ARFGEF1: variants seen among roughly 807,000 people sequenced by gnomAD.
ARFGEF1 encodes ARF guanine nucleotide exchange factor 1, also known as brefeldin A-inhibited guanine nucleotide-exchange protein 1.
ARFGEF1 carries 42 observed loss-of-function variants against 231.0 expected under a neutral mutation model. The observed-to-expected ratio is 0.18, with a 90% CI of 0.14 to 0.24. ARFGEF1 has a LOEUF of 0.24. Ranked by LOEUF, ARFGEF1 falls within the 10% of genes least tolerant of loss-of-function variation. ARFGEF1 has a pLI of 1.00. For synonymous variants in ARFGEF1, 710 were observed against 732.3 expected (o/e 0.97, Z 0.49); for missense variants, 1,345 against 2,192.0 (o/e 0.61, Z 7.72).
Position 67,197,657 on chromosome 8 carries a change from GTTT to G in ARFGEF1, c.*1274_*1276del. On this transcript the variant is annotated 3_prime_UTR_variant, in exon 39 of 39. Transcript: ENST00000262215. ...TGAAACATGGGGGTGGGTTATACAG[GTTT>G]TGATTGCACTGATGAAATAATTCAA... The G allele has an allele frequency of 2.0e-6, 2 of 985,770 alleles. No homozygotes were observed. Among genetic ancestry groups the G allele is most frequent in the Non-Finnish European group, 2.4e-6 (2 of 829,914 alleles). The allele number at this position is 985,770 out of a possible 1,614,324, so 61.1% of individuals were successfully genotyped here. A position where few individuals can be genotyped will look rare whatever the true frequency, so the allele number is the denominator to read the frequency against.
intron 28 of ARFGEF1, 45 bp from the exon 29 acceptor site, chr8:67,225,078 C>T: frequency 6.6e-7 from 1 of 1,516,146 alleles, no homozygotes; most frequent in Non-Finnish European, 8.9e-7. Flanking sequence ...ACATAACACC[C>T]ATACATTCAG....
At chr8:67,330,960 G>A (rs1808072514) in intron 1 of ARFGEF1, among the ~76,000 whole-genome samples, 1 of 151,944 alleles carries the variant, frequency 6.6e-6, no homozygotes, top group African/African-American at 2.4e-5. Flanking sequence ...AGAAGAGAAG[G>A]CAAGAAAATC....
chr8:67,287,580 T>A (rs1805813538), intron 7 of ARFGEF1, among the ~76,000 whole-genome samples: 1 of 152,242 alleles, frequency 6.6e-6, no homozygotes, highest in East Asian at 1.9e-4. Context: ...TTTCCTTACC[T>A]ACTTAATCAG....
At chr8:67,324,336 T>C (rs1807731846) in intron 1 of ARFGEF1, among the ~76,000 whole-genome samples, 1 of 152,180 alleles carries the variant, frequency 6.6e-6, no homozygotes, top group Non-Finnish European at 1.5e-5. Flanking sequence ...AATGATCTCA[T>C]CCTTGCTTTC....
chr8:67,337,455 C>T (rs1298982913), intron 1 of ARFGEF1, among the ~76,000 whole-genome samples: 2 of 152,118 alleles, frequency 1.3e-5, no homozygotes, highest in Admixed American at 6.5e-5. Context: ...ACAATTATCA[C>T]CCTTTCCACC....
At chr8:67,184,436 A>G (rs1409536540) in intron 5 of ARFGEF1, among the ~76,000 whole-genome samples, 2 of 152,164 alleles carry the variant, frequency 1.3e-5, no homozygotes, top group African/African-American at 4.8e-5. Flanking sequence ...AATTACTAAT[A>G]CCAGAAACAG....
At chr8:67,193,382 G>T, downstream of ARFGEF1, 1 of 1,259,178 alleles carries the variant, frequency 7.9e-7, no homozygotes, top group African/African-American at 1.5e-5. Flanking sequence ...CAGGTGATAG[G>T]CACCATGCCT....
In ARFGEF1 at chr8:67,343,538, C is replaced by T. The variant is rs1479030968; in HGVS notation, c.-251G>A. Reference sequence around the variant, plus strand: ...GAGGGCCGCGCCCGTCGGGCCTCCGCTTCTCCCGGCCCGGGGGTCGCGTCC... The same window carrying T: ...GAGGGCCGCGCCCGTCGGGCCTCCGTTTCTCCCGGCCCGGGGGTCGCGTCC... On this transcript the variant is annotated 5_prime_UTR_variant, in exon 1 of 39. Coordinates refer to ENST00000262215, the MANE Select transcript of ARFGEF1 (RefSeq NM_006421.5). 2.6e-6 allele frequency: 3 copies of T among 1,161,184 alleles called. No homozygotes were observed. Among genetic ancestry groups the T allele is most frequent in the Non-Finnish European group, 3.2e-6 (3 of 941,652 alleles). The allele number at this position is 1,161,184 out of a possible 1,614,324, so 71.9% of individuals were successfully genotyped here. A position where few individuals can be genotyped will look rare whatever the true frequency, so the allele number is the denominator to read the frequency against.
intron 18 of ARFGEF1, among the ~76,000 whole-genome samples, chr8:67,252,493 G>C (rs1207515456): frequency 6.6e-6 from 1 of 152,048 alleles, no homozygotes; most frequent in Non-Finnish European, 1.5e-5. Context: ...AGAGGAATAT[G>C]AGGATGATAC....
intron 1 of ARFGEF1, among the ~76,000 whole-genome samples, chr8:67,308,821 G>T (rs1806864247): frequency 6.6e-6 from 1 of 151,478 alleles, no homozygotes; most frequent in Non-Finnish European, 1.5e-5. Flanking sequence ...ATATTTATGG[G>T]GTACAATGAG....
intron 7 of ARFGEF1, among the ~76,000 whole-genome samples, chr8:67,281,372 C>A (rs1805529514): frequency 1.3e-5 from 2 of 151,790 alleles, no homozygotes; most frequent in Admixed American, 1.3e-4. Context: ...TTTAAAAAAA[C>A]AAAAGTAAAA....
chr8:67,330,296 A>C (rs1187968954), intron 1 of ARFGEF1, among the ~76,000 whole-genome samples: 2 of 152,108 alleles, frequency 1.3e-5, no homozygotes, highest in Non-Finnish European at 2.9e-5. Context: ...AGTTTAAGAG[A>C]GTATATGTTG....
Position 67,203,922 on chromosome 8 carries a change from C to A in ARFGEF1, c.4960-671G>T, listed in dbSNP as rs113891538. On this transcript the variant is annotated intron_variant, in intron 35 of 38. Coordinates refer to ENST00000262215, the MANE Select transcript of ARFGEF1 (RefSeq NM_006421.5). ...ATGGGAACTGTCTGGGCTTCTACCCCAGGTGATTCCCACTCTGTATGAGGT... is the reference window on the plus strand; with the variant it reads ...ATGGGAACTGTCTGGGCTTCTACCCAAGGTGATTCCCACTCTGTATGAGGT... 2.0e-3 allele frequency among the ~76,000 whole-genome samples: 299 copies of A among 152,340 alleles called. 4 individuals carry two copies. Among genetic ancestry groups the A allele is most frequent in the African/African-American group, 6.8e-3 (284 of 41,574 alleles).
At chr8:67,187,998 C>T (rs1440082102) in intron 5 of ARFGEF1, among the ~76,000 whole-genome samples, 3 of 152,112 alleles carry the variant, frequency 2.0e-5, no homozygotes, top group Admixed American at 1.3e-4. Context: ...AAACCAAAGG[C>T]ACAATTCATA....
intron 29 of ARFGEF1, among the ~76,000 whole-genome samples, chr8:67,220,021 T>A (rs1839093259): frequency 6.6e-6 from 1 of 152,118 alleles, no homozygotes; most frequent in Non-Finnish European, 1.5e-5. Flanking sequence ...GCAACATCCC[T>A]AAACAAAAGG....
chr8:67,232,122 C>T (rs1839573772), intron 23 of ARFGEF1, among the ~76,000 whole-genome samples: 1 of 151,890 alleles, frequency 6.6e-6, no homozygotes, highest in Non-Finnish European at 1.5e-5. Context: ...AATAATGGAT[C>T]AGCATGAGTT....
intron 38 of ARFGEF1, 118 bp downstream of exon 38, chr8:67,200,278 G>A (rs760480100): frequency 1.3e-6 from 1 of 777,608 alleles, no homozygotes; most frequent in South Asian, 1.4e-5. Flanking sequence ...AAGCAGCAGT[G>A]CAGCCTGGGC....
At chr8:67,330,598 T>C (rs1358252581) in intron 1 of ARFGEF1, among the ~76,000 whole-genome samples, 1 of 152,214 alleles carries the variant, frequency 6.6e-6, no homozygotes, top group Non-Finnish European at 1.5e-5. Context: ...ATTTTTTCTC[T>C]AATAATTGTA....
rs765568770 is a variant in ARFGEF1, at chr8:67,224,814, TTAAC to T, written c.4208+85_4208+88del. The stretch of plus-strand genomic sequence containing the variant: ...GACAAAACACTTGATTTTATGGTCT[TTAAC>T]TGTGAGATTGTGTTTATAAAGAAGA... On this transcript the variant is annotated intron_variant, in intron 29 of 38. Transcript: ENST00000262215. 1.1e-5 allele frequency: 10 copies of T among 910,230 alleles called. No homozygotes were observed. In the South Asian group the frequency reaches 1.3e-4, roughly 12 times the overall value. The allele number at this position is 910,230 out of a possible 1,614,324, so 56.4% of individuals were successfully genotyped here.
Sources: gnomAD v4.1 joint callset for allele counts (sites outside exome capture counted in the v4.1 genomes callset) on GRCh38, gnomAD v4.1.1 for gene constraint, MANE v1.5 for transcripts, NCBI Gene and HGNC (gene_info 2026-07-23, HGNC 2026-07-21) for gene names.